Variants in ANXA8 observed in about 807,000 individuals in gnomAD.
ANXA8 encodes annexin A8.
A neutral mutation model predicts 26.8 loss-of-function variants in ANXA8; 9 were observed. The ratio of observed to expected loss-of-function variants is 0.34; its 90% CI spans 0.20 to 0.59. ANXA8 has a LOEUF of 0.59. Ranked by LOEUF, ANXA8 falls within the 20% of genes least tolerant of loss-of-function variation. The pLI is 0.84. For missense variants in ANXA8, 83 were observed against 238.5 expected (o/e 0.35, Z 4.29); for synonymous variants, 39 against 94.8 (o/e 0.41, Z 3.42).
At chr10:47,660,900 G>A in the ANXA8 span, among the ~76,000 whole-genome samples, 1 of 151,304 alleles carries the variant, frequency 6.6e-6, no homozygotes, top group African/African-American at 2.4e-5. Context: ...GTATATTTTG[G>A]TATCTAAAAA....
At chr10:47,954,524 T>C in the ANXA8 span, among the ~76,000 whole-genome samples, 2 of 151,160 alleles carry the variant, frequency 1.3e-5, no homozygotes, top group Admixed American at 1.3e-4. Flanking sequence ...ATTTTTAGTA[T>C]ATTTAAAAAT....
chr10:47,701,713 G>C, the ANXA8 span, among the ~76,000 whole-genome samples: 10 of 151,760 alleles, frequency 6.6e-5, no homozygotes, highest in African/African-American at 2.4e-4. Context: ...AGAAACTAAA[G>C]AGATTGGTCA....
chr10:47,958,159 C>T, the ANXA8 span, among the ~76,000 whole-genome samples: 68 of 150,260 alleles, frequency 4.5e-4, 4 homozygotes, highest in African/African-American at 1.7e-3. Flanking sequence ...GCCTGCATGG[C>T]CTCTGAAACC....
At chr10:47,488,024 C>T (rs1203080952), upstream of ANXA8, among the ~76,000 whole-genome samples, 2 of 143,856 alleles carry the variant, frequency 1.4e-5, no homozygotes, top group African/African-American at 5.1e-5. Context: ...GAAATTAGCA[C>T]CCACATAAAA....
At chr10:47,557,935 A>G in the ANXA8 span, among the ~76,000 whole-genome samples, 2 of 151,950 alleles carry the variant, frequency 1.3e-5, no homozygotes, top group African/African-American at 2.4e-5. Flanking sequence ...GTAGCAACTT[A>G]AGCTAGTTTC....
the ANXA8 span, among the ~76,000 whole-genome samples, chr10:47,651,676 C>T: frequency 1.3e-4 from 19 of 150,564 alleles, no homozygotes; most frequent in African/African-American, 3.9e-4. Context: ...AGGTGGATCA[C>T]CTGAGGTTGG....
chr10:47,666,406 C>G, the ANXA8 span, among the ~76,000 whole-genome samples: 1 of 151,082 alleles, frequency 6.6e-6, no homozygotes, highest in African/African-American at 2.5e-5. Context: ...GTTTTATGTG[C>G]ATTATCTCAC....
chr10:47,485,786 C>T (rs1840029721), upstream of ANXA8, among the ~76,000 whole-genome samples: 1 of 151,922 alleles, frequency 6.6e-6, no homozygotes. Flanking sequence ...TACCCACTAT[C>T]AACACTTAGG....
chr10:47,718,207 A>T, the ANXA8 span, among the ~76,000 whole-genome samples: 2 of 152,174 alleles, frequency 1.3e-5, no homozygotes, highest in South Asian at 4.1e-4. Context: ...ACATTGGCTC[A>T]AGCCTGTAAT....
At chr10:47,485,981 A>G (rs1480533900), upstream of ANXA8, among the ~76,000 whole-genome samples, 9 of 151,776 alleles carry the variant, frequency 5.9e-5, no homozygotes, top group African/African-American at 1.7e-4. Context: ...GGTGGCGGGC[A>G]CCTGTAGTCC....
the ANXA8 span, among the ~76,000 whole-genome samples, chr10:47,724,447 A>T: frequency 1.4e-5 from 2 of 141,162 alleles, no homozygotes; most frequent in African/African-American, 5.1e-5. Flanking sequence ...CACTCTAGCC[A>T]CGTGGCCTTC....
chr10:47,699,476 A>G, the ANXA8 span, among the ~76,000 whole-genome samples: 5 of 151,538 alleles, frequency 3.3e-5, no homozygotes, highest in African/African-American at 1.2e-4. Context: ...CAAAGTTAAA[A>G]CAAATTTAAA....
chr10:47,975,391 T>C, the ANXA8 span, among the ~76,000 whole-genome samples: 2 of 148,516 alleles, frequency 1.3e-5, no homozygotes, highest in African/African-American at 2.4e-5. Flanking sequence ...AGGGTCCTTG[T>C]TGAATAAGAT....
At chr10:47,700,475 G>T in the ANXA8 span, among the ~76,000 whole-genome samples, 3 of 151,334 alleles carry the variant, frequency 2.0e-5, no homozygotes, top group Non-Finnish European at 4.4e-5. Context: ...AATTGGACAC[G>T]TATCTCACAA....
the ANXA8 span, among the ~76,000 whole-genome samples, chr10:47,743,319 T>TATATAC: frequency 7.8e-4 from 36 of 45,862 alleles, 1 homozygote; most frequent in East Asian, 0.03. Flanking sequence ...TATACACATA[T>TATATAC]ATATATATAC....
the ANXA8 span, among the ~76,000 whole-genome samples, chr10:47,645,543 G>T: frequency 6.6e-6 from 1 of 150,938 alleles, no homozygotes; most frequent in East Asian, 1.9e-4. Flanking sequence ...GAAAAAGAAA[G>T]AGAAAGAAGA....
chr10:47,954,158 C>T, the ANXA8 span, among the ~76,000 whole-genome samples: 478 of 148,944 alleles, frequency 3.2e-3, no homozygotes, highest in Non-Finnish European at 4.9e-3. Context: ...CAACAATAGA[C>T]AAATGGATAA....
chr10:47,525,468 C>T, the ANXA8 span, among the ~76,000 whole-genome samples: 1 of 139,100 alleles, frequency 7.2e-6, no homozygotes, highest in Non-Finnish European at 1.5e-5. Flanking sequence ...ATCACAAGAA[C>T]AGCATGAGGA....
At chr10:47,500,605 T>C in the ANXA8 span, among the ~76,000 whole-genome samples, 77 of 119,508 alleles carry the variant, frequency 6.4e-4, no homozygotes, top group African/African-American at 2.2e-3. Context: ...ATGTGTTTTT[T>C]TTTTTCCTTT....
Sources: gnomAD v4.1 joint callset for allele counts (sites outside exome capture counted in the v4.1 genomes callset) on GRCh38, gnomAD v4.1.1 for gene constraint, MANE v1.5 for transcripts, NCBI Gene and HGNC (gene_info 2026-07-23, HGNC 2026-07-21) for gene names.